Variants in GLT1D1 observed in about 807,000 individuals in gnomAD.
The protein encoded by GLT1D1 is glycosyltransferase 1 domain containing 1.
GLT1D1 carries 21 observed loss-of-function variants against 28.7 expected under a neutral mutation model. The ratio of observed to expected loss-of-function variants is 0.73; its 90% confidence interval spans 0.52 to 1.05. The LOEUF (loss-of-function observed/expected upper bound fraction) is 1.05, where lower values mean the gene tolerates loss of function less well. GLT1D1 is among the 50% of genes least tolerant of loss of function. The pLI, the probability that GLT1D1 is intolerant of heterozygous loss-of-function variation, is 0.00. For missense variants in GLT1D1, 343 were observed against 330.6 expected, an observed-to-expected ratio of 1.04 and a Z score of -0.29; for synonymous variants, 147 against 124.8, an observed-to-expected ratio of 1.18 and a Z score of -1.19.
At chr12:128,981,641 C>A (rs1880328752) in intron 7 of GLT1D1, among the ~76,000 whole-genome samples, 2 of 152,142 alleles carry the variant, frequency 1.3e-5, no homozygotes, top group African/African-American at 4.8e-5. Flanking sequence ...TGTTTATGTG[C>A]CTTTTAAACA....
intron 4 of GLT1D1, among the ~76,000 whole-genome samples, chr12:128,909,841 C>A (rs1377003262): frequency 6.6e-6 from 1 of 152,238 alleles, no homozygotes. Context: ...GATAGACACA[C>A]CTCAGTGTTT....
chr12:128,956,171 A>AAAAAAAAAAAAAAAAAAG (rs374597920), intron 6 of GLT1D1, among the ~76,000 whole-genome samples: 3,585 of 63,338 alleles, frequency 0.057, 498 homozygotes, highest in Non-Finnish European at 0.089. Flanking sequence ...AAAAAAAAAA[A>AAAAAAAAAAAAAAAAAAG]AGAGAAAGAG....
rs147966351 is a variant in GLT1D1, at chr12:128,885,753, T to C, written c.218-2886T>C. Among the ~76,000 whole-genome samples, 803 of 152,342 alleles carry C rather than the reference T, an allele frequency of 5.3e-3. 4 individuals are homozygous for C. The highest frequency in any genetic ancestry group is 0.018 in the African/African-American group (757 of 41,578). On this transcript the variant is annotated intron_variant, in intron 2 of 7. Transcript: ENST00000281703. ...GGGCTGTCATCTTAAGTACTAAATA[T>C]GTTCACACCTTTTAAACAACCTCGT... is the stretch of plus-strand genomic sequence containing the variant.
intron 4 of GLT1D1, among the ~76,000 whole-genome samples, chr12:128,932,094 G>C (rs941697350): frequency 6.6e-6 from 1 of 152,186 alleles, no homozygotes; most frequent in South Asian, 2.1e-4. Context: ...CAGGATTAGG[G>C]AACAGTCGGG....
chr12:128,926,320 C>T (rs909972845), intron 4 of GLT1D1, 39 bp from the exon 7 acceptor site: 3 of 1,060,956 alleles, frequency 2.8e-6, no homozygotes, highest in African/African-American at 1.6e-5. Context: ...GCATCCAGAG[C>T]CCTCCCCACT....
At chr12:128,908,452 C>CAT (rs1871171834) in intron 4 of GLT1D1, among the ~76,000 whole-genome samples, 1 of 138,290 alleles carries the variant, frequency 7.2e-6, no homozygotes, top group African/African-American at 2.7e-5. Flanking sequence ...TCCTTCTTTC[C>CAT]CTCTTTCCTT....
intron 1 of GLT1D1, among the ~76,000 whole-genome samples, chr12:128,853,996 G>A (rs1303616522): frequency 6.6e-6 from 1 of 151,996 alleles, no homozygotes; most frequent in Non-Finnish European, 1.5e-5. Flanking sequence ...ATGCGCAGCG[G>A]GGTCCGCGGA....
At position 128,926,388 on chromosome 12, in the gene GLT1D1, A is replaced by G. The variant is rs1351342979; in HGVS notation, c.376-18938A>G. The G allele has an allele frequency of 9.1e-6, 14 of 1,530,370 alleles. No individual in the cohort carries two copies. The Admixed American group carries it at 2.4e-4, about 26-fold the overall frequency. The allele number at this position is 1,530,370 out of a possible 1,614,324, so 94.8% of individuals were successfully genotyped here. ...TAACCAAAGTGCTGATAATTTGCAC[A>G]TATTTCTTCTGATATGTGGACTTCG... is the stretch of plus-strand genomic sequence containing the variant. On this transcript the variant is annotated intron_variant, in intron 4 of 7. Transcript: ENST00000281703.
chr12:128,908,346 C>CTTT (rs1555266861), intron 4 of GLT1D1, among the ~76,000 whole-genome samples: 16 of 116,846 alleles, frequency 1.4e-4, no homozygotes, highest in African/African-American at 4.7e-4. Flanking sequence ...TTCTTTCTTT[C>CTTT]CCTTTCTTTC....
intron 7 of GLT1D1, among the ~76,000 whole-genome samples, chr12:128,972,116 C>T (rs915944795): frequency 1.3e-5 from 2 of 152,134 alleles, no homozygotes; most frequent in African/African-American, 2.4e-5. Context: ...GGGCTGCATG[C>T]GGGGCAAAGC....
chr12:128,876,152 C>T, intron 2 of GLT1D1, 90 bp downstream of exon 2: 1 of 1,158,216 alleles, frequency 8.6e-7, no homozygotes, highest in Non-Finnish European at 1.2e-6. Flanking sequence ...AACAGTGTCT[C>T]CTTTTTATCC....
At chr12:128,978,360 A>G (rs1468783051) in intron 7 of GLT1D1, among the ~76,000 whole-genome samples, 1 of 152,040 alleles carries the variant, frequency 6.6e-6, no homozygotes, top group Non-Finnish European at 1.5e-5. Context: ...GCCATGGCTG[A>G]TGTCCGGCAT....
At chr12:128,884,606 C>T (rs1798910) in intron 2 of GLT1D1, among the ~76,000 whole-genome samples, 68,262 of 151,820 alleles carry the variant, frequency 0.45, 15,752 homozygotes, top group Admixed American at 0.57. Context: ...CTTGAGGTCA[C>T]GAGTTCGAGA....
chr12:128,860,678 G>A (rs780008612), intron 1 of GLT1D1, among the ~76,000 whole-genome samples: 9 of 152,050 alleles, frequency 5.9e-5, no homozygotes, highest in Admixed American at 1.3e-4. Context: ...TCGATCCTTC[G>A]GGCAGGGTGC....
chr12:128,961,970 C>G (rs897214335), intron 7 of GLT1D1, among the ~76,000 whole-genome samples: 5 of 152,228 alleles, frequency 3.3e-5, no homozygotes, highest in Admixed American at 3.3e-4. Flanking sequence ...CTCTGTCCCC[C>G]TCTCCCTTCC....
chr12:128,877,288 T>C (rs1956890230), intron 2 of GLT1D1, among the ~76,000 whole-genome samples: 2 of 152,220 alleles, frequency 1.3e-5, no homozygotes, highest in Non-Finnish European at 2.9e-5. Context: ...TAAGGGATAG[T>C]AATAGCATGT....
intron 4 of GLT1D1, among the ~76,000 whole-genome samples, chr12:128,910,477 G>A (rs771235661): frequency 1.1e-4 from 16 of 152,030 alleles, no homozygotes; most frequent in Non-Finnish European, 1.8e-4. Context: ...ATGCCATGGT[G>A]TTCTATTGTG....
chr12:128,931,917 GCACA>G (rs372135029), intron 4 of GLT1D1, among the ~76,000 whole-genome samples: 1,623 of 141,094 alleles, frequency 0.012, 10 homozygotes, highest in Middle Eastern at 0.034. Context: ...ACACACGCAC[GCACA>G]CACACACACA....
intron 4 of GLT1D1, chr12:128,930,582 A>G (rs576058911): frequency 6.6e-6 from 1 of 152,358 alleles, no homozygotes; most frequent in African/African-American, 2.4e-5. Flanking sequence ...AAATACTTAA[A>G]AAGAACCCCT....
Sources: allele counts gnomAD v4.1 joint callset (sites outside exome capture counted in the v4.1 genomes callset), GRCh38; gene constraint gnomAD v4.1.1; transcripts MANE v1.5; gene names NCBI Gene and HGNC (gene_info 2026-07-23, HGNC 2026-07-21).